KCTD16: variants seen among roughly 807,000 people sequenced by gnomAD.
KCTD16 encodes the protein potassium channel tetramerization domain containing 16.
KCTD16 carries 13 observed loss-of-function variants against 33.2 expected under a neutral mutation model. That is an observed-to-expected ratio of 0.39 (90% confidence interval 0.25 to 0.62). KCTD16 has a LOEUF of 0.62. Among genes scored for constraint, KCTD16 ranks in the 20% least tolerant of loss-of-function variants. The pLI is 0.50. For missense variants in KCTD16, 441 were observed against 525.1 expected, an observed-to-expected ratio of 0.84 and a Z score of 1.57; for synonymous variants, 197 against 195.3, an observed-to-expected ratio of 1.01 and a Z score of -0.07.
intron 3 of KCTD16, among the ~76,000 whole-genome samples, chr5:144,350,657 T>C (rs900027492): frequency 1.3e-5 from 2 of 152,204 alleles, no homozygotes; most frequent in African/African-American, 4.8e-5. Context: ...TACTGAGTTC[T>C]GTACCATTCT....
intron 3 of KCTD16, among the ~76,000 whole-genome samples, chr5:144,364,401 A>G (rs1433770697): frequency 5.3e-5 from 8 of 152,230 alleles, no homozygotes; most frequent in African/African-American, 1.9e-4. Context: ...ATAGGTGGGC[A>G]ATGCTGAACA....
intron 3 of KCTD16, among the ~76,000 whole-genome samples, chr5:144,309,847 G>A (rs900376066): frequency 1.3e-5 from 2 of 152,016 alleles, no homozygotes; most frequent in African/African-American, 4.8e-5. Context: ...GACTTACTGA[G>A]GAACAGGGAA....
At chr5:144,200,136 C>CT (rs11374050) in intron 2 of KCTD16, among the ~76,000 whole-genome samples, 68,506 of 151,308 alleles carry the variant, frequency 0.45, 16,429 homozygotes, top group African/African-American at 0.61. Flanking sequence ...AAGAGCAGTA[C>CT]TTTTTTTTCA....
chr5:144,432,753 A>G (rs1352501757), intron 3 of KCTD16, among the ~76,000 whole-genome samples: 7 of 152,136 alleles, frequency 4.6e-5, no homozygotes, highest in Admixed American at 2.6e-4. Flanking sequence ...TCTTCTGTGA[A>G]TGCCAAATTT....
At chr5:144,430,410 C>T (rs762105497) in intron 3 of KCTD16, among the ~76,000 whole-genome samples, 2 of 152,026 alleles carry the variant, frequency 1.3e-5, no homozygotes, top group Admixed American at 6.6e-5. Flanking sequence ...TGTGAGTTTG[C>T]CTGTGGCAGA....
chr5:144,372,493 A>C (rs1751990855), intron 3 of KCTD16, among the ~76,000 whole-genome samples: 1 of 152,220 alleles, frequency 6.6e-6, no homozygotes, highest in Non-Finnish European at 1.5e-5. Context: ...ATAAGCTGGT[A>C]ATCATAATAT....
At chr5:144,357,358 T>C (rs1250548626) in intron 3 of KCTD16, among the ~76,000 whole-genome samples, 4 of 152,188 alleles carry the variant, frequency 2.6e-5, no homozygotes, top group Non-Finnish European at 5.9e-5. Context: ...TCTATAGCTC[T>C]AGAGCAATTC....
At chr5:144,353,333 C>T (rs184147057) in intron 3 of KCTD16, among the ~76,000 whole-genome samples, 120 of 152,250 alleles carry the variant, frequency 7.9e-4, no homozygotes, top group Admixed American at 3.7e-3. Flanking sequence ...TATACTATTT[C>T]TCTGATCAAG....
chr5:144,364,459 G>T (rs994305610), intron 3 of KCTD16, among the ~76,000 whole-genome samples: 2 of 152,164 alleles, frequency 1.3e-5, no homozygotes, highest in Non-Finnish European at 2.9e-5. Context: ...AACAACAAGC[G>T]AGCATGACTC....
At chr5:144,245,701 C>G (rs779553582) in intron 3 of KCTD16, among the ~76,000 whole-genome samples, 4 of 152,042 alleles carry the variant, frequency 2.6e-5, no homozygotes, top group African/African-American at 4.8e-5. Flanking sequence ...GCGGTTGTTG[C>G]AATAGTGAGT....
chr5:144,218,743 C>G lies in KCTD16; in HGVS notation c.832+11197C>G, dbSNP rs1753639929. Among the ~76,000 whole-genome samples, 3 of 152,160 alleles carry G rather than the reference C, an allele frequency of 2.0e-5. No individual in the cohort carries two copies. The South Asian group carries it at 6.2e-4, about 31-fold the overall frequency. ...TGATTTTAACTTTAACTAAACATTG[C>G]TGATTTACCTTGCTAATCTCATGCA... On this transcript the variant is annotated intron_variant, in intron 3 of 3. Transcript: ENST00000512467.
At chr5:144,417,637 G>A (rs1490613285) in intron 3 of KCTD16, among the ~76,000 whole-genome samples, 2 of 151,844 alleles carry the variant, frequency 1.3e-5, no homozygotes, top group Non-Finnish European at 2.9e-5. Context: ...TTTTTATTTT[G>A]TTTTTGTTTT....
chr5:144,461,295 T>C (rs1457923985), intron 3 of KCTD16, among the ~76,000 whole-genome samples: 3 of 152,154 alleles, frequency 2.0e-5, no homozygotes, highest in African/African-American at 4.8e-5. Flanking sequence ...AATTCCAGAA[T>C]TGGACTCATC....
chr5:144,419,897 A>G (rs1227628353), intron 3 of KCTD16, among the ~76,000 whole-genome samples: 1 of 152,156 alleles, frequency 6.6e-6, no homozygotes, highest in African/African-American at 2.4e-5. Flanking sequence ...TAGCAAACGT[A>G]GATCAAAGTA....
chr5:144,444,171 T>A (rs910306023), intron 3 of KCTD16, among the ~76,000 whole-genome samples: 13 of 151,542 alleles, frequency 8.6e-5, no homozygotes, highest in African/African-American at 3.1e-4. Context: ...GCAGAGAGAG[T>A]CAAAATACAC....
chr5:144,335,027 G>A (rs244535), intron 3 of KCTD16, among the ~76,000 whole-genome samples: 34,869 of 151,782 alleles, frequency 0.23, 4,245 homozygotes, highest in Non-Finnish European at 0.28. Flanking sequence ...CGATTCCCCT[G>A]CCTTGACCTT....
chr5:144,299,070 A>ATTT (rs1278686388), intron 3 of KCTD16, among the ~76,000 whole-genome samples: 1 of 72,992 alleles, frequency 1.4e-5, no homozygotes, highest in Non-Finnish European at 2.5e-5. Context: ...ATATATATAT[A>ATTT]TATTTTTGTA....
intron 3 of KCTD16, among the ~76,000 whole-genome samples, chr5:144,430,174 C>G (rs1299925080): frequency 6.6e-6 from 1 of 152,096 alleles, no homozygotes; most frequent in Admixed American, 6.6e-5. Context: ...CAACAGAGAC[C>G]TCATTTTCCC....
chr5:144,282,368 T>C (rs571568651), intron 3 of KCTD16, among the ~76,000 whole-genome samples: 2 of 152,308 alleles, frequency 1.3e-5, no homozygotes, highest in African/African-American at 4.8e-5. Flanking sequence ...TTATCCATTT[T>C]TTTTTTAATC....
Sources: gnomAD v4.1 joint callset for allele counts (sites outside exome capture counted in the v4.1 genomes callset) on GRCh38, gnomAD v4.1.1 for gene constraint, MANE v1.5 for transcripts, NCBI Gene and HGNC (gene_info 2026-07-23, HGNC 2026-07-21) for gene names.